The following EPM2A variants were observed in gnomAD, a reference collection of about 807,000 sequenced individuals.
The protein encoded by EPM2A is EPM2A glucan phosphatase, laforin, also known as laforin.
Under a neutral mutation model 26.5 loss-of-function variants are expected in EPM2A, and 21 were observed. The observed-to-expected ratio is 0.79, with a 90% CI of 0.56 to 1.14. The LOEUF (loss-of-function observed/expected upper bound fraction) is 1.14, where lower values mean the gene tolerates loss of function less well. Among genes scored for constraint, EPM2A ranks in the 50% most tolerant of loss-of-function variants. EPM2A has a pLI of 0.00. For missense variants in EPM2A, 458 were observed against 440.8 expected, an observed-to-expected ratio of 1.04 and a Z score of -0.35; for synonymous variants, 217 against 177.6, an observed-to-expected ratio of 1.22 and a Z score of -1.76.
chr6:145,653,761 G>A (rs1778058855), intron 2 of EPM2A, among the ~76,000 whole-genome samples: 1 of 152,166 alleles, frequency 6.6e-6, no homozygotes, highest in South Asian at 2.1e-4. Flanking sequence ...CTTTTCTTAA[G>A]AACTTCAACC....
intron 4 of EPM2A, among the ~76,000 whole-genome samples, chr6:145,485,045 T>C (rs6570688): frequency 0.065 from 9,780 of 150,340 alleles, 1,045 homozygotes; most frequent in African/African-American, 0.22. Context: ...AGGTATTGGC[T>C]AGAAATTCCC....
intron 2 of EPM2A, among the ~76,000 whole-genome samples, chr6:145,521,632 C>T (rs568245434): frequency 6.6e-6 from 1 of 152,156 alleles, no homozygotes; most frequent in South Asian, 2.1e-4. Context: ...AGATTGTGAG[C>T]CCTGAAGGGG....
chr6:145,419,187 C>CT (rs1554235083), intron 4 of EPM2A, among the ~76,000 whole-genome samples: 1 of 150,464 alleles, frequency 6.6e-6, no homozygotes, highest in East Asian at 2.0e-4. Context: ...ATGTCCCCCC[C>CT]CCCCGCTCCT....
chr6:145,668,586 C>A (rs1462242817), intron 2 of EPM2A, among the ~76,000 whole-genome samples: 1 of 152,068 alleles, frequency 6.6e-6, no homozygotes, highest in Admixed American at 6.6e-5. Context: ...AGTAGAGACC[C>A]TGTCTTGTGA....
chr6:145,533,647 C>T (rs1780391856), intron 2 of EPM2A, among the ~76,000 whole-genome samples: 1 of 152,084 alleles, frequency 6.6e-6, no homozygotes, highest in Admixed American at 6.6e-5. Context: ...GTACTCCACC[C>T]TCAACCTCTT....
rs145483967 is a variant in EPM2A at position 145,588,907 on chromosome 6, T to G, written c.340+46338A>C. 1.6e-4 allele frequency among the ~76,000 whole-genome samples: 24 copies of G among 152,304 alleles called. No homozygotes were observed. In the East Asian group the frequency reaches 4.6e-3, roughly 29 times the overall value. On this transcript the variant is annotated intron_variant, in intron 2 of 3. Coordinates refer to the EPM2A transcript ENST00000450221. ...AACTTTACTATAAGGAGTTTTTAACTAGTAGAAGGTAGAACTACTAAAAGT... is the reference window on the plus strand; with the variant it reads ...AACTTTACTATAAGGAGTTTTTAACGAGTAGAAGGTAGAACTACTAAAAGT...
chr6:145,562,209 C>T (rs1780816607), intron 2 of EPM2A, among the ~76,000 whole-genome samples: 1 of 150,586 alleles, frequency 6.6e-6, no homozygotes, highest in African/African-American at 2.4e-5. Context: ...TACCTCATAG[C>T]CATTTCAGTT....
intron 2 of EPM2A, among the ~76,000 whole-genome samples, chr6:145,520,456 C>T (rs925809891): frequency 6.6e-6 from 1 of 152,176 alleles, no homozygotes; most frequent in Non-Finnish European, 1.5e-5. Context: ...AAAATTCCGT[C>T]ATAGTCACTG....
At chr6:145,514,444 G>GA (rs1212818804) in intron 2 of EPM2A, among the ~76,000 whole-genome samples, 1 of 151,974 alleles carries the variant, frequency 6.6e-6, no homozygotes, top group Non-Finnish European at 1.5e-5. Context: ...ACTAGATCAG[G>GA]AAAAAACAAA....
At chr6:145,523,341 A>T (rs1020231663) in intron 2 of EPM2A, among the ~76,000 whole-genome samples, 5 of 152,206 alleles carry the variant, frequency 3.3e-5, no homozygotes, top group African/African-American at 1.2e-4. Flanking sequence ...TGTGTTTTGC[A>T]GATACTGAAT....
rs548987038 is a variant in EPM2A, at chr6:145,448,653, A to G, written c.555+53869T>C. 7.9e-5 allele frequency among the ~76,000 whole-genome samples: 12 copies of G among 152,312 alleles called. No individual in the cohort carries two copies. In the South Asian group the frequency reaches 2.5e-3, roughly 32 times the overall value. Reference sequence around the variant, plus strand: ...ATTTGGTGCTCAATCAGCTACATCTACAGCTAGACCATAAGCCAACTTCTC... The same window carrying G: ...ATTTGGTGCTCAATCAGCTACATCTGCAGCTAGACCATAAGCCAACTTCTC... On this transcript the variant is annotated intron_variant, in intron 4 of 4. Coordinates refer to the EPM2A transcript ENST00000638717.
At chr6:145,472,757 G>A (rs6908027) in intron 4 of EPM2A, among the ~76,000 whole-genome samples, 10,699 of 152,068 alleles carry the variant, frequency 0.07, 1,103 homozygotes, top group African/African-American at 0.22. Context: ...ACAATAGAAT[G>A]CGAGATAGAC....
chr6:145,618,731 T>A (rs923167796), intron 2 of EPM2A, among the ~76,000 whole-genome samples: 1 of 152,210 alleles, frequency 6.6e-6, no homozygotes, highest in Non-Finnish European at 1.5e-5. Flanking sequence ...CTTTATAAAT[T>A]ACCCAGTCTC....
intron 2 of EPM2A, among the ~76,000 whole-genome samples, chr6:145,565,835 T>C (rs371186): frequency 0.48 from 72,789 of 151,458 alleles, 18,322 homozygotes; most frequent in African/African-American, 0.63. Flanking sequence ...TGCGATGAGG[T>C]AAAGAAACAG....
chr6:145,686,099 T>G (rs563610356), intron 2 of EPM2A, 23 bp downstream of exon 2: 1 of 1,595,460 alleles, frequency 6.3e-7, no homozygotes, highest in African/African-American at 1.3e-5. Context: ...CTTCTATGCC[T>G]ATAAATATAG....
At chr6:145,720,658 C>A (rs1178119789) in intron 1 of EPM2A, among the ~76,000 whole-genome samples, 1 of 152,126 alleles carries the variant, frequency 6.6e-6, no homozygotes, top group Non-Finnish European at 1.5e-5. Context: ...TTGCTGACTC[C>A]AAACAACAGA....
At chr6:145,507,652 G>A (rs1034369238) in intron 2 of EPM2A, among the ~76,000 whole-genome samples, 1 of 152,202 alleles carries the variant, frequency 6.6e-6, no homozygotes, top group African/African-American at 2.4e-5. Flanking sequence ...GGAAGCAGTA[G>A]CCACAGCAGG....
intron 4 of EPM2A, among the ~76,000 whole-genome samples, chr6:145,488,520 TGTGA>T (rs1317774876): frequency 2.5e-4 from 34 of 136,606 alleles, no homozygotes; most frequent in Middle Eastern, 3.7e-3. Context: ...TGTGTGTGTG[TGTGA>T]GAGAGAGAGA....
chr6:145,598,011 T>C (rs769698941), intron 2 of EPM2A, among the ~76,000 whole-genome samples: 3 of 152,228 alleles, frequency 2.0e-5, no homozygotes, highest in Non-Finnish European at 4.4e-5. Context: ...TCTTTGCTAT[T>C]GCAAATAGTG....
Sources: allele counts gnomAD v4.1 joint callset (sites outside exome capture counted in the v4.1 genomes callset), GRCh38; gene constraint gnomAD v4.1.1; transcripts MANE v1.5; gene names NCBI Gene and HGNC (gene_info 2026-07-23, HGNC 2026-07-21).